Variants in RAB38 observed in about 807,000 individuals in gnomAD.
RAB38 encodes RAB38, member RAS oncogene family.
In RAB38, 15 loss-of-function variants were observed where a neutral mutation model predicts 18.4. That is an observed-to-expected ratio of 0.82 (90% CI 0.55 to 1.26). The LOEUF (loss-of-function observed/expected upper bound fraction) is 1.26, where lower values mean the gene tolerates loss of function less well. RAB38 is among the 50% of genes most tolerant of loss of function. RAB38 has a pLI of 0.00. For missense variants in RAB38, 294 were observed against 267.4 expected, an observed-to-expected ratio of 1.10 and a Z score of -0.69; for synonymous variants, 101 against 104.4, an observed-to-expected ratio of 0.97 and a Z score of 0.20.
At chr11:87,976,200 T>G in the RAB38 span, among the ~76,000 whole-genome samples, 5 of 147,348 alleles carry the variant, frequency 3.4e-5, no homozygotes, top group Non-Finnish European at 7.5e-5. Flanking sequence ...TTATATATAC[T>G]CTATGTATAT....
chr11:88,166,543 T>A (rs138918936), intron 1 of RAB38: 4 of 152,248 alleles, frequency 2.6e-5, no homozygotes, highest in African/African-American at 7.2e-5. Context: ...ATGACTGATA[T>A]GGTTTTGATG....
chr11:87,831,903 CA>C, the RAB38 span, among the ~76,000 whole-genome samples: 4 of 152,026 alleles, frequency 2.6e-5, no homozygotes, highest in African/African-American at 9.7e-5. Context: ...GCCAGAAGTG[CA>C]AAAAGGAGTT....
At chr11:88,051,054 T>C in the RAB38 span, among the ~76,000 whole-genome samples, 4 of 152,216 alleles carry the variant, frequency 2.6e-5, no homozygotes, top group Non-Finnish European at 5.9e-5. Context: ...TTGTTCATTA[T>C]AAATTTTCAC....
At chr11:87,913,311 C>T in the RAB38 span, among the ~76,000 whole-genome samples, 1 of 152,006 alleles carries the variant, frequency 6.6e-6, no homozygotes, top group African/African-American at 2.4e-5. Context: ...TAAAATCTTT[C>T]ATTTTAATTG....
At chr11:87,952,203 T>TTCTTTCCCTGTGTTACCTTTC in the RAB38 span, among the ~76,000 whole-genome samples, 1 of 152,148 alleles carries the variant, frequency 6.6e-6, no homozygotes, top group Non-Finnish European at 1.5e-5. Context: ...CATCTCTTAT[T>TTCTTTCCCTGTGTTACCTTTC]TCTTTCCCTG....
At chr11:87,977,961 A>G in the RAB38 span, among the ~76,000 whole-genome samples, 4 of 113,144 alleles carry the variant, frequency 3.5e-5, no homozygotes, top group Admixed American at 1.1e-4. Context: ...TAATATATAA[A>G]TAAGATATAT....
the RAB38 span, among the ~76,000 whole-genome samples, chr11:88,094,937 T>C: frequency 1.3e-5 from 2 of 151,828 alleles, no homozygotes; most frequent in Non-Finnish European, 2.9e-5. Context: ...CTTATTCCAC[T>C]GAGAAAGCAA....
At chr11:88,007,943 G>C in the RAB38 span, among the ~76,000 whole-genome samples, 1 of 152,020 alleles carries the variant, frequency 6.6e-6, no homozygotes, top group Non-Finnish European at 1.5e-5. Flanking sequence ...CAATATGGAT[G>C]AACCTCAAAA....
the RAB38 span, among the ~76,000 whole-genome samples, chr11:88,097,697 C>A: frequency 6.6e-6 from 1 of 151,850 alleles, no homozygotes; most frequent in Non-Finnish European, 1.5e-5. Context: ...CATTTTCATA[C>A]TCAACCTGTA....
chr11:87,933,165 A>G, the RAB38 span, among the ~76,000 whole-genome samples: 1 of 152,132 alleles, frequency 6.6e-6, no homozygotes, highest in Non-Finnish European at 1.5e-5. Context: ...TTTTGAAAGC[A>G]GAGAAGCCAA....
chr11:87,956,210 A>G, the RAB38 span, among the ~76,000 whole-genome samples: 1 of 152,180 alleles, frequency 6.6e-6, no homozygotes, highest in Non-Finnish European at 1.5e-5. Context: ...AAGTCATGAT[A>G]AAGGACTATT....
the RAB38 span, among the ~76,000 whole-genome samples, chr11:87,937,310 T>TTATA: frequency 1.8e-5 from 1 of 55,552 alleles, no homozygotes; most frequent in Non-Finnish European, 3.3e-5. Flanking sequence ...TACTTGGTCA[T>TTATA]CATATATATA....
At chr11:88,065,171 G>T in the RAB38 span, among the ~76,000 whole-genome samples, 3 of 152,286 alleles carry the variant, frequency 2.0e-5, no homozygotes, top group South Asian at 6.2e-4. Context: ...AGCTCCATGT[G>T]TGACACTCAG....
the RAB38 span, among the ~76,000 whole-genome samples, chr11:87,849,810 G>A: frequency 7.3e-4 from 111 of 152,110 alleles, no homozygotes; most frequent in African/African-American, 2.7e-3. Flanking sequence ...TTAACCTTGG[G>A]CTCCCACAGA....
the RAB38 span, among the ~76,000 whole-genome samples, chr11:87,902,723 G>A: frequency 2.0e-5 from 3 of 151,242 alleles, no homozygotes; most frequent in Admixed American, 6.6e-5. Context: ...CAGTGTACTT[G>A]TATCTATGCG....
At chr11:88,009,772 T>C in the RAB38 span, among the ~76,000 whole-genome samples, 11 of 152,208 alleles carry the variant, frequency 7.2e-5, no homozygotes, top group Non-Finnish European at 1.5e-4. Flanking sequence ...TGGGGTTTCA[T>C]TGTGGCTGAC....
chr11:87,941,245 A>ATATATATATATATATATG, the RAB38 span, among the ~76,000 whole-genome samples: 1 of 134,508 alleles, frequency 7.4e-6, no homozygotes, highest in East Asian at 2.3e-4. Flanking sequence ...ATATATATAT[A>ATATATATATATATATATG]TGTAACTTCT....
At chr11:88,097,440 C>T in the RAB38 span, among the ~76,000 whole-genome samples, 2 of 151,782 alleles carry the variant, frequency 1.3e-5, no homozygotes, top group Non-Finnish European at 2.9e-5. Flanking sequence ...AATACCTGTG[C>T]GTAGTTCTGC....
chr11:87,822,534 G>C, the RAB38 span, among the ~76,000 whole-genome samples: 6 of 152,282 alleles, frequency 3.9e-5, no homozygotes, highest in South Asian at 4.1e-4. Flanking sequence ...AAGGACCTCA[G>C]AAGGACTTAC....
Sources: gnomAD v4.1 joint callset for allele counts (sites outside exome capture counted in the v4.1 genomes callset) on GRCh38, gnomAD v4.1.1 for gene constraint, MANE v1.5 for transcripts, NCBI Gene and HGNC (gene_info 2026-07-23, HGNC 2026-07-21) for gene names.